The following SV2C variants were observed in gnomAD, a reference collection of about 807,000 sequenced individuals.
SV2C encodes solute carrier family 22 member B3.
Under a neutral mutation model 79.7 loss-of-function variants are expected in SV2C, and 49 were observed. The ratio of observed to expected loss-of-function variants is 0.61; its 90% CI spans 0.49 to 0.78. SV2C has a LOEUF of 0.78. Among genes scored for constraint, SV2C ranks in the 30% least tolerant of loss-of-function variants. The pLI is 0.00. For synonymous variants in SV2C, 334 were observed against 333.2 expected (o/e 1.00, Z -0.03); for missense variants, 833 against 912.9 (o/e 0.91, Z 1.13).
At chr5:76,114,221 A>G (rs1748188051) in intron 1 of SV2C, among the ~76,000 whole-genome samples, 1 of 152,130 alleles carries the variant, frequency 6.6e-6, no homozygotes, top group East Asian at 1.9e-4. Flanking sequence ...AGCAAGGGAA[A>G]CAACGAGTAC....
At chr5:76,140,754 C>A (rs542855560) in intron 2 of SV2C, among the ~76,000 whole-genome samples, 3 of 152,156 alleles carry the variant, frequency 2.0e-5, no homozygotes, top group South Asian at 2.1e-4. Flanking sequence ...AGACCCATAA[C>A]TTTTTTTCCC....
intron 4 of SV2C, among the ~76,000 whole-genome samples, chr5:76,263,140 GA>G (rs547050830): frequency 9.2e-4 from 140 of 152,232 alleles, no homozygotes; most frequent in African/African-American, 3.3e-3. Context: ...ATATATTTAG[GA>G]TAGTTAGCTC....
chr5:75,900,105 T>C, the SV2C span, among the ~76,000 whole-genome samples: 1 of 152,200 alleles, frequency 6.6e-6, no homozygotes. Context: ...GATCCTGTCA[T>C]TATGATGTTA....
the SV2C span, among the ~76,000 whole-genome samples, chr5:75,894,226 C>G: frequency 2.6e-5 from 4 of 151,980 alleles, no homozygotes; most frequent in Non-Finnish European, 5.9e-5. Flanking sequence ...TAAGGACTTT[C>G]AAAAATCCTC....
chr5:76,092,460 A>G (rs908956637), intron 1 of SV2C, among the ~76,000 whole-genome samples: 2 of 152,146 alleles, frequency 1.3e-5, no homozygotes, highest in African/African-American at 4.8e-5. Flanking sequence ...CAATACAACT[A>G]TTTTCATTTT....
chr5:75,925,757 CAAAAA>C, the SV2C span, among the ~76,000 whole-genome samples: 2 of 150,896 alleles, frequency 1.3e-5, no homozygotes, highest in East Asian at 3.9e-4. Flanking sequence ...TTTTAAAAAA[CAAAAA>C]AAAGCACAAA....
rs531923650 is a variant in SV2C at position 76,132,113 on chromosome 5, G to A, written c.363G>A (p.Arg121=). The A allele has an allele frequency of 1.4e-5, 23 of 1,614,066 alleles. No homozygotes were observed. In the East Asian group the frequency reaches 2.0e-4, roughly 14 times the overall value. Residue 121 remains arginine, a synonymous_variant, in exon 2 of 13, where the codon CGG becomes CGA. Coordinates refer to ENST00000502798, the MANE Select transcript of SV2C (RefSeq NM_014979.4). ...AGGGCGATGAGTACAAGGACCGGCG[G>A]GAGCTGGAATCAGAAAGGAGAGCTG... ...QPKGDEYKDR[R]ELESERRADE...
At chr5:75,875,133 C>T in the SV2C span, among the ~76,000 whole-genome samples, 40 of 152,116 alleles carry the variant, frequency 2.6e-4, 1 homozygote, top group South Asian at 7.7e-3. Context: ...GGCAATCCTA[C>T]GCAAAAAGAA....
At chr5:75,884,461 T>C in the SV2C span, among the ~76,000 whole-genome samples, 1 of 152,198 alleles carries the variant, frequency 6.6e-6, no homozygotes, top group Admixed American at 6.6e-5. Context: ...CATCATAGGA[T>C]AATGGCTCAA....
At chr5:76,053,677 A>G in the SV2C span, among the ~76,000 whole-genome samples, 243 of 152,252 alleles carry the variant, frequency 1.6e-3, 3 homozygotes, top group South Asian at 0.026. Context: ...TTTGGATTTT[A>G]GGCAACTCAA....
rs202236332 is a variant in SV2C at position 76,246,623 on chromosome 5, ACACACTCACACT to A, written c.913+36754_913+36765del. Among the ~76,000 whole-genome samples the A allele has an allele frequency of 3.8e-3, 580 of 152,212 alleles. 2 individuals carry two copies. The highest frequency in any genetic ancestry group is 5.4e-3 in the Non-Finnish European group (370 of 68,004). ...CAGCACAAATCCTAAATAGCAACAC[ACACACTCACACT>A]CACACTCACACTCACACACACAGCA... On this transcript the variant is annotated intron_variant, in intron 4 of 12. Transcript: ENST00000502798.
the SV2C span, among the ~76,000 whole-genome samples, chr5:75,972,769 C>T: frequency 6.6e-6 from 1 of 152,038 alleles, no homozygotes; most frequent in African/African-American, 2.4e-5. Context: ...GTCCGTGTGG[C>T]AATTCCTCAG....
At chr5:75,984,598 C>T in the SV2C span, among the ~76,000 whole-genome samples, 26,554 of 81,962 alleles carry the variant, frequency 0.32, 3,150 homozygotes, top group East Asian at 0.6. Context: ...TATCTATCTA[C>T]CTATCTATCT....
chr5:76,175,941 G>T (rs1022346851), intron 2 of SV2C, among the ~76,000 whole-genome samples: 1 of 152,110 alleles, frequency 6.6e-6, no homozygotes, highest in South Asian at 2.1e-4. Context: ...GGTTGCAGAT[G>T]GTGACAGCAT....
chr5:76,234,931 A>G (rs1371018969), intron 4 of SV2C, among the ~76,000 whole-genome samples: 1 of 152,226 alleles, frequency 6.6e-6, no homozygotes, highest in Non-Finnish European at 1.5e-5. Flanking sequence ...GCCAGACTTC[A>G]TCAGAATTAT....
the SV2C span, among the ~76,000 whole-genome samples, chr5:76,037,723 G>A: frequency 6.6e-6 from 1 of 152,240 alleles, no homozygotes; most frequent in Non-Finnish European, 1.5e-5. Flanking sequence ...TGCCCCCAGA[G>A]GTGGAGCCTA....
At chr5:76,010,671 C>A in the SV2C span, among the ~76,000 whole-genome samples, 2 of 152,114 alleles carry the variant, frequency 1.3e-5, no homozygotes, top group South Asian at 2.1e-4. Context: ...AAATTGGGTA[C>A]CGACTTAGAA....
the SV2C span, among the ~76,000 whole-genome samples, chr5:75,993,237 A>G: frequency 6.6e-6 from 1 of 152,102 alleles, no homozygotes; most frequent in Admixed American, 6.6e-5. Flanking sequence ...AAAGTAAGAG[A>G]GTTTTTAATG....
the SV2C span, among the ~76,000 whole-genome samples, chr5:75,923,403 A>AAAC: frequency 6.6e-6 from 1 of 152,220 alleles, no homozygotes; most frequent in Non-Finnish European, 1.5e-5. Flanking sequence ...AATGCAACAA[A>AAAC]AACAACAACA....
Sources: gnomAD v4.1 joint callset for allele counts (sites outside exome capture counted in the v4.1 genomes callset) on GRCh38, gnomAD v4.1.1 for gene constraint, MANE v1.5 for transcripts, NCBI Gene and HGNC (gene_info 2026-07-23, HGNC 2026-07-21) for gene names.